TASP1: variants seen among roughly 807,000 people sequenced by gnomAD.
The protein encoded by TASP1 is taspase 1.
A neutral mutation model predicts 56.6 loss-of-function variants in TASP1; 16 were observed. That is an observed-to-expected ratio of 0.28 (90% CI 0.19 to 0.43). TASP1 has a LOEUF of 0.43. Among genes scored for constraint, TASP1 ranks in the 20% least tolerant of loss-of-function variants. The probability of loss-of-function intolerance (pLI) is 1.00; values close to 1 mark genes in which losing one functional copy is unlikely to be tolerated. For synonymous variants in TASP1, 179 were observed against 184.2 expected (o/e 0.97, Z 0.23); for missense variants, 393 against 511.6 (o/e 0.77, Z 2.24).
At chr20:13,165,006 CGTT>C in the TASP1 span, 5 of 632,306 alleles carry the variant, frequency 7.9e-6, no homozygotes, top group African/African-American at 1.8e-5. Context: ...CTGAGGGAGA[CGTT>C]GTTGTTTTTA....
the TASP1 span, among the ~76,000 whole-genome samples, chr20:13,293,600 C>T: frequency 6.6e-6 from 1 of 151,994 alleles, no homozygotes; most frequent in East Asian, 1.9e-4. Flanking sequence ...GTCAGGTAAG[C>T]ATCTCAGTAG....
At chr20:13,417,421 A>AAAAC in intron 13 of TASP1, 27 bp downstream of exon 13, 1 of 1,613,172 alleles carries the variant, frequency 6.2e-7, no homozygotes, top group East Asian at 2.2e-5. Context: ...CAAGGTTTTC[A>AAAAC]GGTTATGACC....
At chr20:13,268,371 T>TTC in the TASP1 span, among the ~76,000 whole-genome samples, 1 of 121,472 alleles carries the variant, frequency 8.2e-6, no homozygotes, top group African/African-American at 3.1e-5. Flanking sequence ...TCTCTCTCTC[T>TTC]CTCTCTCTCT....
At chr20:13,586,748 A>G (rs553039555) in intron 5 of TASP1, among the ~76,000 whole-genome samples, 3 of 152,320 alleles carry the variant, frequency 2.0e-5, no homozygotes, top group Non-Finnish European at 4.4e-5. Flanking sequence ...AAAAATCTCC[A>G]AAAGATTATA....
the TASP1 span, among the ~76,000 whole-genome samples, chr20:13,311,243 T>TAGATAGATAGATGATTGATAGATA: frequency 7.8e-6 from 1 of 127,860 alleles, no homozygotes. Flanking sequence ...GATAGATAGA[T>TAGATAGATAGATGATTGATAGATA]GATAGATAGA....
the TASP1 span, among the ~76,000 whole-genome samples, chr20:13,137,621 G>A: frequency 1.1e-4 from 16 of 152,060 alleles, no homozygotes; most frequent in Non-Finnish European, 2.1e-4. Flanking sequence ...ATGACAATTT[G>A]GTTTCTATGC....
the TASP1 span, among the ~76,000 whole-genome samples, chr20:13,177,726 T>C: frequency 0.023 from 3,530 of 152,192 alleles, 61 homozygotes; most frequent in South Asian, 0.031. Context: ...AGAATAAAAT[T>C]AGACCCCCAC....
At chr20:13,144,783 A>G in the TASP1 span, among the ~76,000 whole-genome samples, 1 of 152,140 alleles carries the variant, frequency 6.6e-6, no homozygotes, top group Non-Finnish European at 1.5e-5. Context: ...ATATATACAC[A>G]GATTTTTTTG....
the TASP1 span, among the ~76,000 whole-genome samples, chr20:13,336,068 C>T: frequency 6.6e-6 from 1 of 152,160 alleles, no homozygotes; most frequent in Non-Finnish European, 1.5e-5. Flanking sequence ...ATCTTAAACG[C>T]TTCCAGGAAG....
At chr20:13,148,408 A>C in the TASP1 span, among the ~76,000 whole-genome samples, 1 of 152,136 alleles carries the variant, frequency 6.6e-6, no homozygotes, top group African/African-American at 2.4e-5. Context: ...CCCTTGATTT[A>C]ACCACCCTCA....
At chr20:13,626,113 A>G (rs551997184) in intron 2 of TASP1, among the ~76,000 whole-genome samples, 6 of 152,266 alleles carry the variant, frequency 3.9e-5, no homozygotes, top group Non-Finnish European at 5.9e-5. Flanking sequence ...TAGGGGTCCA[A>G]TGTATGGAAG....
At chr20:13,334,070 C>T in the TASP1 span, among the ~76,000 whole-genome samples, 12 of 152,204 alleles carry the variant, frequency 7.9e-5, no homozygotes, top group African/African-American at 1.9e-4. Flanking sequence ...CATGGGAACA[C>T]GTAAGGATGG....
At chr20:13,218,930 C>T in the TASP1 span, among the ~76,000 whole-genome samples, 1 of 152,218 alleles carries the variant, frequency 6.6e-6, no homozygotes, top group Non-Finnish European at 1.5e-5. Context: ...ATTCAATTTA[C>T]AATTTTTACA....
At chr20:13,314,578 A>C in the TASP1 span, among the ~76,000 whole-genome samples, 14 of 152,208 alleles carry the variant, frequency 9.2e-5, no homozygotes, top group African/African-American at 3.4e-4. Flanking sequence ...GACAAACAAA[A>C]ATGGATGGAA....
At chr20:13,620,301 T>TAC (rs1568659630) in intron 4 of TASP1, among the ~76,000 whole-genome samples, 4 of 105,270 alleles carry the variant, frequency 3.8e-5, no homozygotes, top group African/African-American at 2.3e-4. Context: ...CACACACACA[T>TAC]ACATATACAC....
intron 8 of TASP1, among the ~76,000 whole-genome samples, chr20:13,539,191 G>A (rs894562311): frequency 6.6e-6 from 1 of 152,074 alleles, no homozygotes; most frequent in African/African-American, 2.4e-5. Context: ...TACTATTAAC[G>A]ATGTTTCTTA....
chr20:13,485,455 A>G (rs1042119537), intron 10 of TASP1, among the ~76,000 whole-genome samples: 1 of 152,192 alleles, frequency 6.6e-6, no homozygotes, highest in African/African-American at 2.4e-5. Flanking sequence ...GCCTTCTAAA[A>G]GAGAAAAAAA....
intron 11 of TASP1, among the ~76,000 whole-genome samples, chr20:13,437,186 A>T (rs1252351193): frequency 6.6e-6 from 1 of 152,098 alleles, no homozygotes; most frequent in Non-Finnish European, 1.5e-5. Context: ...CATCCCTGGG[A>T]TGCAAGGCTG....
chr20:13,457,241 G>A (rs2146327258), intron 11 of TASP1, among the ~76,000 whole-genome samples: 1 of 152,012 alleles, frequency 6.6e-6, no homozygotes, highest in South Asian at 2.1e-4. Context: ...TGCACGTTAT[G>A]CACATGTACC....
Sources: gnomAD v4.1 joint callset for allele counts (sites outside exome capture counted in the v4.1 genomes callset) on GRCh38, gnomAD v4.1.1 for gene constraint, MANE v1.5 for transcripts, NCBI Gene and HGNC (gene_info 2026-07-23, HGNC 2026-07-21) for gene names.